The following OR51F2 variants were observed in gnomAD, a reference collection of about 807,000 sequenced individuals.
OR51F2 encodes olfactory receptor 51F2.
For synonymous variants in OR51F2, 172 were observed against 153.6 expected (o/e 1.12, Z -0.89); for missense variants, 435 against 401.4 (o/e 1.08, Z -0.72).
At position 4,821,658 on chromosome 11, in the gene OR51F2, A is replaced by C. The variant is rs1231658465; in HGVS notation, c.237A>C (p.Thr79=). The change falls in exon 1 of 1, where the codon ACA becomes ACC. Residue 79 remains threonine (T), a synonymous_variant. Coordinates refer to ENST00000322110, the MANE Select transcript of OR51F2 (RefSeq NM_001004753.2). ...CAGACCTGAGCTTGTCCCTGTGTAC[A>C]CTTTCTACTACCCTTGGTGTCTTCT... The part of the protein sequence containing the change: ...SATDLSLSLC[T]LSTTLGVFWF... 1 of 1,614,010 alleles carries C rather than the reference A, an allele frequency of 6.2e-7. No homozygotes were observed. The highest frequency in any genetic ancestry group is 8.5e-7 in the Non-Finnish European group (1 of 1,179,960).
At position 4,821,750 on chromosome 11, in the gene OR51F2, C is replaced by T; in HGVS notation, c.329C>T (p.Thr110Ile). ...IAQMFFLHGF[T>I]FMESGVLLAM... ...CAGATGTTCTTTCTACACGGATTTA[C>T]TTTCATGGAGTCTGGGGTTCTACTG... The change falls in exon 1 of 1, where the codon ACT becomes ATT. Residue 110 changes from threonine to isoleucine, a missense_variant. Thr to Ile is a moderately conservative substitution (Grantham distance 89). Coordinates refer to ENST00000322110, the MANE Select transcript of OR51F2 (RefSeq NM_001004753.2). 1 of 1,613,978 alleles carries T rather than the reference C, an allele frequency of 6.2e-7. No homozygotes were observed. Among genetic ancestry groups the T allele is most frequent in the Middle Eastern group, 1.7e-4 (1 of 6,058 alleles).
Position 4,821,398 on chromosome 11 carries a change from T to A in OR51F2, c.-24T>A, listed in dbSNP as rs755211366. On this transcript the variant is annotated 5_prime_UTR_variant, in exon 1 of 1. Coordinates refer to ENST00000322110, the MANE Select transcript of OR51F2 (RefSeq NM_001004753.2). ...TGTGTTATGTTAAATGACTGAAACA[T>A]CCCTGTCTTCTCAGTGCTTCCCTAT... 1 of 1,613,158 alleles carries A rather than the reference T, an allele frequency of 6.2e-7. No homozygotes were observed. Among genetic ancestry groups the A allele is most frequent in the Non-Finnish European group, 8.5e-7 (1 of 1,179,220 alleles).
At position 4,821,392 on chromosome 11, in the gene OR51F2, G is replaced by A. The variant is rs750870946; in HGVS notation, c.-30G>A. On this transcript the variant is annotated 5_prime_UTR_variant, in exon 1 of 1. The change abolishes the stop of an existing upstream ORF in the 5' untranslated region. Transcript: ENST00000322110. ...GTATTATGTGTTATGTTAAATGACTGAAACATCCCTGTCTTCTCAGTGCTT... is the reference window on the plus strand; with the variant it reads ...GTATTATGTGTTATGTTAAATGACTAAAACATCCCTGTCTTCTCAGTGCTT... The A allele has an allele frequency of 6.2e-7, 1 of 1,612,560 alleles. No homozygotes were observed. The highest frequency in any genetic ancestry group is 8.5e-7 in the Non-Finnish European group (1 of 1,178,802).
chr11:4,821,492 C>G lies in OR51F2; in HGVS notation c.71C>G (p.Ala24Gly). The G allele has an allele frequency of 7.4e-6, 12 of 1,611,770 alleles. No individual in the cohort carries two copies. The highest frequency in any genetic ancestry group is 1.0e-5 in the Non-Finnish European group (12 of 1,179,240). Residue 24 changes from alanine to glycine, a missense_variant, in exon 1 of 1, where the codon GCC becomes GGC. By Grantham distance (60) the Ala-to-Gly change is moderately conservative. Coordinates refer to ENST00000322110, the MANE Select transcript of OR51F2 (RefSeq NM_001004753.2). ...CTGATGGGCATTCCAGGCCTGAAAG[C>G]CACCCAGTACTGGATCTCCATCCCT... is the stretch of plus-strand genomic sequence containing the variant. ...FLLMGIPGLK[A>G]TQYWISIPFC...
In OR51F2 at chr11:4,822,243, C is replaced by A; in HGVS notation, c.822C>A (p.Val274=). Residue 274 remains valine (V), a synonymous_variant, in exon 1 of 1, where the codon GTC becomes GTA. Transcript: ENST00000322110. ...ATGGCCATTCAGCACCTCCATTTGTCCACATCATCATGGCCAATGTCTTTC... is the reference window on the plus strand; with the variant it reads ...ATGGCCATTCAGCACCTCCATTTGTACACATCATCATGGCCAATGTCTTTC... ...HRYGHSAPPF[V]HIIMANVFLL... is the part of the protein sequence containing the mutation. 1 of 1,575,682 alleles carries A rather than the reference C, an allele frequency of 6.3e-7. No individual in the cohort carries two copies. Among genetic ancestry groups the A allele is most frequent in the Non-Finnish European group, 8.6e-7 (1 of 1,158,998 alleles).
In OR51F2 at chr11:4,822,203, C is replaced by G; in HGVS notation, c.782C>G (p.Ser261Cys). 6.3e-7 allele frequency: 1 copy of G among 1,596,894 alleles called. No individual in the cohort carries two copies. The highest frequency in any genetic ancestry group is 2.2e-5 in the East Asian group (1 of 44,720). The change falls in exon 1 of 1, where the codon TCT (serine) becomes TGT (cysteine). Residue 261 changes from serine (S) to cysteine (C), a missense_variant. Physicochemically the swap from Ser to Cys is moderately radical, Grantham distance 112. Coordinates refer to ENST00000322110, the MANE Select transcript of OR51F2 (RefSeq NM_001004753.2). ...TTCTACCTCCCTCTCATCAGTTTGT[C>G]TCTTGTCCATCGCTATGGCCATTCA... ...SIFYLPLISL[S>C]LVHRYGHSAP... is the part of the protein sequence containing the mutation.
rs778950282 is a variant in OR51F2 at position 4,822,184 on chromosome 11, C to T, written c.763C>T (p.Leu255Phe). ...SHISAVSIFY[L>F]PLISLSLVHR... ...CATCAGTGCTGTTTCCATCTTCTAC[C>T]TCCCTCTCATCAGTTTGTCTCTTGT... Residue 255 changes from leucine (L) to phenylalanine (F), a missense_variant, in exon 1 of 1, where the codon CTC (leucine) becomes TTC (phenylalanine). Leu to Phe is a conservative substitution (Grantham distance 22). Coordinates refer to ENST00000322110, the MANE Select transcript of OR51F2 (RefSeq NM_001004753.2). 1.3e-5 allele frequency: 21 copies of T among 1,605,724 alleles called. No homozygotes were observed. Among genetic ancestry groups the T allele is most frequent in the Non-Finnish European group, 1.8e-5 (21 of 1,175,996 alleles).
In OR51F2 at chr11:4,821,578, TG is replaced by T; in HGVS notation, c.158del (p.Cys53LeufsTer21). Reference sequence around the variant, plus strand: ...TAGCATGATCCTGTTTGTGGTCCTCTGTGAACGGAGCCTCCATAAGCCTATG... The same window carrying T: ...TAGCATGATCCTGTTTGTGGTCCTCTTGAACGGAGCCTCCATAAGCCTATG... ...GNSMILFVVL[C>X]ERSLHKPMYY... is the part of the protein sequence containing the mutation. On this transcript the variant is annotated frameshift_variant, in exon 1 of 1. Transcript: ENST00000322110. LOFTEE classifies it low-confidence loss of function (END_TRUNC). The T allele has an allele frequency of 6.2e-7, 1 of 1,613,620 alleles. No homozygotes were observed. Among genetic ancestry groups the T allele is most frequent in the African/African-American group, 1.3e-5 (1 of 75,010 alleles).
At position 4,821,707 on chromosome 11, in the gene OR51F2, C is replaced by A. The variant is rs1280100112; in HGVS notation, c.286C>A (p.Leu96Ile). Reference protein sequence around the residue: ...VFWFEAREINLNACIAQMFFL... With the variant: ...VFWFEAREININACIAQMFFL... ...CTGGTTTGAAGCCCGAGAAATCAACCTAAATGCCTGCATTGCCCAGATGTT... is the reference window on the plus strand; with the variant it reads ...CTGGTTTGAAGCCCGAGAAATCAACATAAATGCCTGCATTGCCCAGATGTT... Residue 96 changes from leucine (L) to isoleucine (I), a missense_variant, in exon 1 of 1, where the codon CTA becomes ATA. Physicochemically the swap from Leu to Ile is conservative, Grantham distance 5. Coordinates refer to ENST00000322110, the MANE Select transcript of OR51F2 (RefSeq NM_001004753.2). The A allele has an allele frequency of 1.2e-6, 2 of 1,613,898 alleles. No individual in the cohort carries two copies. The highest frequency in any genetic ancestry group is 1.7e-6 in the Non-Finnish European group (2 of 1,179,942).
chr11:4,821,436 T>C lies in OR51F2; in HGVS notation c.15T>C (p.Asn5=), dbSNP rs759337817. 1 of 1,613,940 alleles carries C rather than the reference T, an allele frequency of 6.2e-7. No individual in the cohort carries two copies. Among genetic ancestry groups the C allele is most frequent in the Non-Finnish European group, 8.5e-7 (1 of 1,179,852 alleles). The change falls in exon 1 of 1, where the codon AAT becomes AAC. Residue 5 remains asparagine, a synonymous_variant. Transcript: ENST00000322110. MSVL[N]NTIAEPLIFL... ...AGTGCTTCCCTATGTCGGTCCTCAA[T>C]AATACCATTGCTGAGCCTCTGATCT...
Position 4,821,398 on chromosome 11 carries a change from T to C in OR51F2, c.-24T>C. On this transcript the variant is annotated 5_prime_UTR_variant, in exon 1 of 1. Coordinates refer to ENST00000322110, the MANE Select transcript of OR51F2 (RefSeq NM_001004753.2). ...TGTGTTATGTTAAATGACTGAAACA[T>C]CCCTGTCTTCTCAGTGCTTCCCTAT... is the stretch of plus-strand genomic sequence containing the variant. The C allele has an allele frequency of 1.2e-6, 2 of 1,613,156 alleles. No individual in the cohort carries two copies. The highest frequency in any genetic ancestry group is 1.7e-6 in the Non-Finnish European group (2 of 1,179,220).
Position 4,822,369 on chromosome 11 carries a change from T to C in OR51F2, c.948T>C (p.Ser316=). The change falls in exon 1 of 1, where the codon TCT becomes TCC. Residue 316 remains serine (S), a synonymous_variant. Transcript: ENST00000322110. The stretch of plus-strand genomic sequence containing the variant: ...TCTTAATTCAGAAGCACTCCAAATC[T>C]AATCATCAGCTATTTCTGATTAGAG... ...IKVLIQKHSK[S]NHQLFLIRDK... The C allele has an allele frequency of 6.8e-7, 1 of 1,469,390 alleles. No homozygotes were observed. 91.0% of individuals were successfully genotyped at this position (1,469,390 alleles called of 1,614,324 possible).
rs1032184848 is a variant in OR51F2, at chr11:4,821,722, G to A, written c.301G>A (p.Ala101Thr). Residue 101 changes from alanine (A) to threonine (T), a missense_variant, in exon 1 of 1, where the codon GCC (alanine) becomes ACC (threonine). Ala to Thr is a moderately conservative substitution (Grantham distance 58). Transcript: ENST00000322110. ...AGAAATCAACCTAAATGCCTGCATT[G>A]CCCAGATGTTCTTTCTACACGGATT... ...AREINLNACI[A>T]QMFFLHGFTF... is the part of the protein sequence containing the mutation. The A allele has an allele frequency of 6.2e-7, 1 of 1,613,958 alleles. No individual in the cohort carries two copies. The highest frequency in any genetic ancestry group is 1.1e-5 in the South Asian group (1 of 91,064).
rs1203723483 is a variant in OR51F2 at position 4,821,514 on chromosome 11, C to T, written c.93C>T (p.Ile31=). 1 of 1,611,988 alleles carries T rather than the reference C, an allele frequency of 6.2e-7. No individual in the cohort carries two copies. ...GLKATQYWIS[I]PFCLLYVVAV... ...AAGCCACCCAGTACTGGATCTCCATCCCTTTTTGTCTCCTATATGTTGTTG... is the reference window on the plus strand; with the variant it reads ...AAGCCACCCAGTACTGGATCTCCATTCCTTTTTGTCTCCTATATGTTGTTG... The change falls in exon 1 of 1, where the codon ATC becomes ATT. Residue 31 remains isoleucine (I), a synonymous_variant. Transcript: ENST00000322110.
In OR51F2 at chr11:4,822,169, G is replaced by A. The variant is rs80136490; in HGVS notation, c.748G>A (p.Val250Ile). 6 of 1,610,274 alleles carry A rather than the reference G, an allele frequency of 3.7e-6. No homozygotes were observed. The highest frequency in any genetic ancestry group is 3.4e-6 in the Non-Finnish European group (4 of 1,178,288). The part of the protein sequence containing the change: ...FNTCTSHISA[V>I]SIFYLPLISL... ...CACCTGCACATCCCACATCAGTGCT[G>A]TTTCCATCTTCTACCTCCCTCTCAT... is the stretch of plus-strand genomic sequence containing the variant. Residue 250 changes from valine to isoleucine, a missense_variant, in exon 1 of 1, where the codon GTT becomes ATT. Transcript: ENST00000322110.
Position 4,821,852 on chromosome 11 carries a change from C to G in OR51F2, c.431C>G (p.Ala144Gly), listed in dbSNP as rs760720172. ...YTTILTNARI[A>G]KIGMSMLIRN... Reference sequence around the variant, plus strand: ...ACCATCCTTACCAATGCCCGAATTGCCAAGATTGGGATGAGCATGTTGATA... The same window carrying G: ...ACCATCCTTACCAATGCCCGAATTGGCAAGATTGGGATGAGCATGTTGATA... The change falls in exon 1 of 1, where the codon GCC (alanine) becomes GGC (glycine). Residue 144 changes from alanine to glycine, a missense_variant. Physicochemically the swap from Ala to Gly is moderately conservative, Grantham distance 60. Coordinates refer to ENST00000322110, the MANE Select transcript of OR51F2 (RefSeq NM_001004753.2). 3.1e-6 allele frequency: 5 copies of G among 1,613,670 alleles called. No individual in the cohort carries two copies. The East Asian group carries it at 6.7e-5, about 22-fold the overall frequency.
At position 4,822,210 on chromosome 11, in the gene OR51F2, C is replaced by T; in HGVS notation, c.789C>T (p.Val263=). ...TCCCTCTCATCAGTTTGTCTCTTGT[C>T]CATCGCTATGGCCATTCAGCACCTC... The part of the protein sequence containing the change: ...FYLPLISLSL[V]HRYGHSAPPF... Residue 263 remains valine (V), a synonymous_variant, in exon 1 of 1, where the codon GTC becomes GTT. Transcript: ENST00000322110. The T allele has an allele frequency of 6.3e-7, 1 of 1,591,946 alleles. No homozygotes were observed. Among genetic ancestry groups the T allele is most frequent in the South Asian group, 1.2e-5 (1 of 86,548 alleles).
At position 4,821,531 on chromosome 11, in the gene OR51F2, A is replaced by G. The variant is rs752840987; in HGVS notation, c.110A>G (p.Tyr37Cys). The G allele has an allele frequency of 4.4e-5, 71 of 1,611,942 alleles. No individual in the cohort carries two copies. The highest frequency in any genetic ancestry group is 5.9e-5 in the Non-Finnish European group (70 of 1,179,230). Residue 37 changes from tyrosine (Y) to cysteine (C), a missense_variant, in exon 1 of 1, where the codon TAT becomes TGT. Transcript: ENST00000322110. ...ATCTCCATCCCTTTTTGTCTCCTAT[A>G]TGTTGTTGCCGTCTCTGGAAATAGC... ...YWISIPFCLL[Y>C]VVAVSGNSMI...
rs1348541965 is a variant in OR51F2, at chr11:4,821,631, C to T, written c.210C>T (p.Ala70=). ...ACTATTTCCTCTCTATGCTTTCAGC[C>T]ACAGACCTGAGCTTGTCCCTGTGTA... The part of the protein sequence containing the change: ...PMYYFLSMLS[A]TDLSLSLCTL... Residue 70 remains alanine (A), a synonymous_variant, in exon 1 of 1, where the codon GCC becomes GCT. Transcript: ENST00000322110. The T allele has an allele frequency of 6.2e-7, 1 of 1,614,024 alleles. No homozygotes were observed. The highest frequency in any genetic ancestry group is 1.1e-5 in the South Asian group (1 of 91,066).
Sources: allele counts gnomAD v4.1 joint callset, GRCh38; gene constraint gnomAD v4.1.1; transcripts MANE v1.5; gene names NCBI Gene and HGNC (gene_info 2026-07-23, HGNC 2026-07-21).